ZBTB20: variants seen among roughly 807,000 people sequenced by gnomAD.
ZBTB20 encodes the protein zinc finger and BTB domain-containing protein 20.
Under a neutral mutation model 56.9 loss-of-function variants are expected in ZBTB20, and 9 were observed. The observed-to-expected ratio is 0.16, with a 90% confidence interval of 0.10 to 0.28. ZBTB20 has a LOEUF of 0.28. Among genes scored for constraint, ZBTB20 ranks in the 10% least tolerant of loss-of-function variants. The pLI is 1.00. For missense variants in ZBTB20, 655 were observed against 1,003.0 expected (o/e 0.65, Z 4.69); for synonymous variants, 417 against 420.7 (o/e 0.99, Z 0.11).
chr3:114,881,109 C>A (rs2076382637), intron 4 of ZBTB20, among the ~76,000 whole-genome samples: 1 of 152,054 alleles, frequency 6.6e-6, no homozygotes, highest in South Asian at 2.1e-4. Flanking sequence ...TTACTTCTCT[C>A]CTTGTCAACT....
intron 2 of ZBTB20, among the ~76,000 whole-genome samples, chr3:115,013,908 A>ATGTGTGTGTGTGTGTGTGTGTG (rs35762117): frequency 6.8e-6 from 1 of 147,756 alleles, no homozygotes; most frequent in African/African-American, 2.5e-5. Context: ...CAATCCCTAT[A>ATGTGTGTGTGTGTGTGTGTGTG]TGTGTGTGTG....
chr3:115,063,678 C>G lies in ZBTB20; in HGVS notation c.-507+7541G>C, dbSNP rs933615726. ...ACACACACACACACACACACACACACACACAAACACACACACACAGTTTAC... is the reference window on the plus strand; with the variant it reads ...ACACACACACACACACACACACACAGACACAAACACACACACACAGTTTAC... On this transcript the variant is annotated intron_variant, in intron 2 of 11. Transcript: ENST00000675478. Among the ~76,000 whole-genome samples, 48 of 150,722 alleles carry G rather than the reference C, an allele frequency of 3.2e-4. 1 individual carries two copies. Among genetic ancestry groups the G allele is most frequent in the Non-Finnish European group, 5.8e-4 (39 of 67,566 alleles).
At chr3:114,648,713 C>T (rs2059976479) in intron 6 of ZBTB20, among the ~76,000 whole-genome samples, 1 of 151,938 alleles carries the variant, frequency 6.6e-6, no homozygotes, top group Non-Finnish European at 1.5e-5. Context: ...CATGTTAGCC[C>T]TACTGGAATT....
chr3:115,003,384 A>T (rs1460983283), intron 2 of ZBTB20, among the ~76,000 whole-genome samples: 1 of 151,636 alleles, frequency 6.6e-6, no homozygotes, highest in Non-Finnish European at 1.5e-5. Flanking sequence ...GTGAATGGGC[A>T]TACAGGAACT....
chr3:115,093,068 T>C (rs2083257039), intron 1 of ZBTB20, among the ~76,000 whole-genome samples: 1 of 152,078 alleles, frequency 6.6e-6, no homozygotes, highest in Non-Finnish European at 1.5e-5. Flanking sequence ...GGAAGGAAAC[T>C]GAGGGACAGA....
At chr3:114,808,968 C>T (rs544767199) in intron 4 of ZBTB20, among the ~76,000 whole-genome samples, 14 of 152,094 alleles carry the variant, frequency 9.2e-5, no homozygotes, top group Admixed American at 3.3e-4. Flanking sequence ...TCCTAAATGA[C>T]ATTTTCCCTT....
At chr3:114,973,658 G>A (rs539710138) in intron 3 of ZBTB20, among the ~76,000 whole-genome samples, 1 of 152,150 alleles carries the variant, frequency 6.6e-6, no homozygotes, top group East Asian at 1.9e-4. Flanking sequence ...TGGTTGGATC[G>A]CACCACCCCA....
At chr3:115,134,923 C>T (rs1054065707) in intron 1 of ZBTB20, among the ~76,000 whole-genome samples, 39 of 152,236 alleles carry the variant, frequency 2.6e-4, no homozygotes, top group African/African-American at 9.4e-4. Context: ...GCTCTGTTGT[C>T]CTATCTCTAT....
chr3:114,620,350 T>C (rs1446534877), intron 6 of ZBTB20, among the ~76,000 whole-genome samples: 3 of 152,148 alleles, frequency 2.0e-5, no homozygotes, highest in Admixed American at 1.3e-4. Flanking sequence ...TGGAGTGCAA[T>C]GGCACGACTT....
intron 6 of ZBTB20, among the ~76,000 whole-genome samples, chr3:114,619,339 G>A (rs909112912): frequency 1.3e-5 from 2 of 151,990 alleles, no homozygotes; most frequent in Non-Finnish European, 2.9e-5. Context: ...AGTGAGCAGG[G>A]AAAATAAAGA....
At chr3:114,586,418 A>G (rs2055181938) in intron 6 of ZBTB20, among the ~76,000 whole-genome samples, 1 of 152,192 alleles carries the variant, frequency 6.6e-6, no homozygotes, top group South Asian at 2.1e-4. Flanking sequence ...CATATGCTTC[A>G]AGCCACATAA....
rs1431919929 is a variant in ZBTB20, at chr3:114,325,065, A to G, written c.*13940T>C. The G allele has an allele frequency of 6.6e-6, 1 of 152,168 alleles. No homozygotes were observed. Among genetic ancestry groups the G allele is most frequent in the Non-Finnish European group, 1.5e-5 (1 of 68,020 alleles). The allele number at this position is 152,168 out of a possible 1,614,324, so 9.4% of individuals were successfully genotyped here. ...CTTCTCACCTTTGTTTGCCATGATGAAGATTACTAAGACACCCTGCTTTCA... is the reference window on the plus strand; with the variant it reads ...CTTCTCACCTTTGTTTGCCATGATGGAGATTACTAAGACACCCTGCTTTCA... On this transcript the variant is annotated 3_prime_UTR_variant, in exon 12 of 12. Coordinates refer to ENST00000675478, the MANE Select transcript of ZBTB20 (RefSeq NM_001348800.3).
At chr3:115,056,805 T>G (rs1276032559) in intron 2 of ZBTB20, among the ~76,000 whole-genome samples, 1 of 152,066 alleles carries the variant, frequency 6.6e-6, no homozygotes, top group Non-Finnish European at 1.5e-5. Context: ...CATATTTCAT[T>G]ATAGGGTGTT....
chr3:115,081,550 T>C (rs1372813915), intron 1 of ZBTB20, among the ~76,000 whole-genome samples: 4 of 152,134 alleles, frequency 2.6e-5, no homozygotes, highest in African/African-American at 4.8e-5. Flanking sequence ...CCTTAATAGA[T>C]ATTTAGATTT....
chr3:114,442,207 C>T (rs1046209694), intron 7 of ZBTB20, among the ~76,000 whole-genome samples: 16 of 152,170 alleles, frequency 1.1e-4, no homozygotes, highest in Non-Finnish European at 1.9e-4. Context: ...TCCATCTCTA[C>T]AGCCTGTTGT....
chr3:114,532,157 TG>T (rs1246284800), intron 6 of ZBTB20, among the ~76,000 whole-genome samples: 2 of 152,148 alleles, frequency 1.3e-5, no homozygotes, highest in Non-Finnish European at 2.9e-5. Flanking sequence ...TACCCTGGAA[TG>T]GGGGCTGAAG....
chr3:115,118,789 C>T (rs1012232965), intron 1 of ZBTB20, among the ~76,000 whole-genome samples: 1 of 142,874 alleles, frequency 7.0e-6, no homozygotes, highest in Admixed American at 7.5e-5. Context: ...GGCGCGATCT[C>T]CACTCACTGC....
intron 2 of ZBTB20, among the ~76,000 whole-genome samples, chr3:115,058,254 T>C (rs928645571): frequency 6.6e-6 from 1 of 152,198 alleles, no homozygotes; most frequent in African/African-American, 2.4e-5. Context: ...GTATTTAATA[T>C]TTGTGTCTTC....
At chr3:114,730,935 A>C (rs951845141) in intron 5 of ZBTB20, among the ~76,000 whole-genome samples, 1 of 152,240 alleles carries the variant, frequency 6.6e-6, no homozygotes, top group Non-Finnish European at 1.5e-5. Context: ...CAAGGATTCA[A>C]TAAGTGGCAT....
Sources: gnomAD v4.1 joint callset for allele counts (sites outside exome capture counted in the v4.1 genomes callset) on GRCh38, gnomAD v4.1.1 for gene constraint, MANE v1.5 for transcripts, NCBI Gene and HGNC (gene_info 2026-07-23, HGNC 2026-07-21) for gene names.